Variants in PEX14 observed in about 807,000 individuals in gnomAD.
PEX14 encodes the protein peroxisomal biogenesis factor 14.
Under a neutral mutation model 49.5 loss-of-function variants are expected in PEX14, and 15 were observed. That is an observed-to-expected ratio of 0.30 (90% CI 0.20 to 0.47). PEX14 has a LOEUF of 0.47. PEX14 is among the 20% of genes least tolerant of loss of function. The probability of loss-of-function intolerance (pLI) is 1.00; values close to 1 mark genes in which losing one functional copy is unlikely to be tolerated. For synonymous variants in PEX14, 210 were observed against 212.7 expected (o/e 0.99, Z 0.11); for missense variants, 398 against 494.8 (o/e 0.80, Z 1.86).
At position 10,539,115 on chromosome 1, in the gene PEX14, G is replaced by A. The variant is rs150903665; in HGVS notation, c.169+2818G>A. 4.9e-4 allele frequency among the ~76,000 whole-genome samples: 75 copies of A among 152,220 alleles called. No individual in the cohort carries two copies. The highest frequency in any genetic ancestry group is 7.6e-4 in the Non-Finnish European group (52 of 68,024). ...GCTGAGTTTGTTTCATTGTGAAACC[G>A]CAGCTGGGAGCAGGGGCTGCATCCT... On this transcript the variant is annotated intron_variant, in intron 3 of 8. Transcript: ENST00000356607. The surrounding 1 kb of genome is among the most constrained non-coding windows in gnomAD (Gnocchi z 4.6).
chr1:10,521,473 A>G (rs1638293584), intron 2 of PEX14, among the ~76,000 whole-genome samples: 1 of 152,222 alleles, frequency 6.6e-6, no homozygotes, highest in Admixed American at 6.5e-5. Context: ...CATCTACTCT[A>G]CTTTATAGTC....
At chr1:10,532,451 T>G (rs1011056402) in intron 2 of PEX14, among the ~76,000 whole-genome samples, 1 of 152,206 alleles carries the variant, frequency 6.6e-6, no homozygotes, top group South Asian at 2.1e-4. Context: ...TTGTCTTTAT[T>G]TTGATTAAAC....
Position 10,630,067 on chromosome 1 carries a change from C to T in PEX14, c.*80C>T, listed in dbSNP as rs1570378349. The T allele has an allele frequency of 6.3e-7, 1 of 1,582,160 alleles. No homozygotes were observed. The highest frequency in any genetic ancestry group is 8.5e-7 in the Non-Finnish European group (1 of 1,170,820). ...GCCATACCCTGCCTCCCTCTCTGGC[C>T]CTGGGAGGGCAGCTTGGAGCCCAGG... On this transcript the variant is annotated 3_prime_UTR_variant, in exon 9 of 9. Coordinates refer to ENST00000356607, the MANE Select transcript of PEX14 (RefSeq NM_004565.3). This position sits in a 1 kb window ranked among gnomAD's most constrained non-coding sequence, Gnocchi z 4.1.
At chr1:10,481,914 C>G (rs1641289910) in intron 1 of PEX14, among the ~76,000 whole-genome samples, 1 of 151,158 alleles carries the variant, frequency 6.6e-6, no homozygotes. Context: ...AACTGCTTCC[C>G]AGGCTCAAGC....
intron 3 of PEX14, among the ~76,000 whole-genome samples, chr1:10,547,456 G>A (rs1473427272): frequency 6.6e-6 from 1 of 152,096 alleles, no homozygotes; most frequent in Non-Finnish European, 1.5e-5. Flanking sequence ...TTATGGGTGC[G>A]TTAGTCCCCG....
intron 3 of PEX14, among the ~76,000 whole-genome samples, chr1:10,585,409 C>G (rs895595681): frequency 6.6e-6 from 1 of 152,106 alleles, no homozygotes; most frequent in Non-Finnish European, 1.5e-5. Flanking sequence ...TATAAACCCC[C>G]AAAGTTCAGC....
intron 1 of PEX14, among the ~76,000 whole-genome samples, chr1:10,475,802 G>A (rs1387889181): frequency 1.3e-5 from 2 of 152,232 alleles, no homozygotes. Flanking sequence ...AAAGGGCTAA[G>A]AGACATCTTA....
chr1:10,627,394 G>A, intron 8 of PEX14, 31 bp downstream of exon 8: 1 of 1,479,270 alleles, frequency 6.8e-7, no homozygotes, highest in Non-Finnish European at 9.5e-7. Flanking sequence ...CCCTGTTCTG[G>A]TCGGGCCTGG....
chr1:10,604,918 G>T (rs1310572541), intron 4 of PEX14, among the ~76,000 whole-genome samples: 1 of 152,166 alleles, frequency 6.6e-6, no homozygotes, highest in Non-Finnish European at 1.5e-5. Flanking sequence ...TGCCGAGCCT[G>T]TAGTGCCTAC....
chr1:10,565,981 A>G lies in PEX14; in HGVS notation c.169+29684A>G, dbSNP rs12028920. ...TGTTTATTTATTTACATGTCTGTCT[A>G]TTTACTTACATCTCTCTAGTCCATC... On this transcript the variant is annotated intron_variant, in intron 3 of 8. Coordinates refer to ENST00000356607, the MANE Select transcript of PEX14 (RefSeq NM_004565.3). 3.6e-4 allele frequency among the ~76,000 whole-genome samples: 55 copies of G among 152,282 alleles called. No homozygotes were observed. The East Asian group carries it at 8.7e-3, about 24-fold the overall frequency.
chr1:10,539,770 A>G lies in PEX14; in HGVS notation c.169+3473A>G, dbSNP rs1638947624. On this transcript the variant is annotated intron_variant, in intron 3 of 8. Transcript: ENST00000356607. This position sits in a 1 kb window ranked among gnomAD's most constrained non-coding sequence, Gnocchi z 4.6. ...TTGATTTGACACCCTATCCAGCCACAAAATGTAGGAGGCAGTCTGCTTCCA... is the reference window on the plus strand; with the variant it reads ...TTGATTTGACACCCTATCCAGCCACGAAATGTAGGAGGCAGTCTGCTTCCA... 6.6e-6 allele frequency among the ~76,000 whole-genome samples: 1 copy of G among 151,670 alleles called. No individual in the cohort carries two copies.
rs754714815 is a variant in PEX14 at position 10,520,153 on chromosome 1, T to TTTTTTTTTTTTTTG, written c.85-16051_85-16050insTTTTGTTTTTTTTT. Among the ~76,000 whole-genome samples, 2 of 91,912 alleles carry TTTTTTTTTTTTTTG rather than the reference T, an allele frequency of 2.2e-5. 1 individual carries two copies. Among genetic ancestry groups the TTTTTTTTTTTTTTG allele is most frequent in the Non-Finnish European group, 4.7e-5 (2 of 42,264 alleles). 60.3% of individuals were successfully genotyped at this position (91,912 alleles called of 152,430 possible). A position where few individuals can be genotyped will look rare whatever the true frequency, so the allele number is the denominator to read the frequency against. ...TTGTGCCTGGCCTTCTTCTTCTTTT[T>TTTTTTTTTTTTTTG]TTTTTTTTTGTTTTTTTAACTAGAG... is the stretch of plus-strand genomic sequence containing the variant. On this transcript the variant is annotated intron_variant, in intron 2 of 8. Coordinates refer to ENST00000356607, the MANE Select transcript of PEX14 (RefSeq NM_004565.3).
chr1:10,517,598 AG>A (rs1343990316), intron 2 of PEX14, among the ~76,000 whole-genome samples: 2 of 150,938 alleles, frequency 1.3e-5, no homozygotes, highest in Non-Finnish European at 2.9e-5. Context: ...TTGGAGGTTC[AG>A]GTTTTGGCAG....
chr1:10,585,002 G>C (rs1640438054), intron 3 of PEX14, among the ~76,000 whole-genome samples: 1 of 152,034 alleles, frequency 6.6e-6, no homozygotes, highest in African/African-American at 2.4e-5. Context: ...GAGGATCTTT[G>C]GGGGAACAGT....
chr1:10,553,186 A>G (rs1639385095), intron 3 of PEX14, among the ~76,000 whole-genome samples: 1 of 152,118 alleles, frequency 6.6e-6, no homozygotes, highest in Non-Finnish European at 1.5e-5. Flanking sequence ...GGGGATGGAG[A>G]GGATGGATTA....
chr1:10,475,083 AGGGACCCCGAGTCTCCGAAGCTG>A (rs1641170508), intron 1 of PEX14, 81 bp downstream of exon 1: 7 of 1,355,300 alleles, frequency 5.2e-6, no homozygotes, highest in Non-Finnish European at 7.2e-6. Flanking sequence ...GGAGCCGGGT[AGGGACCCCGAGTCTCCGAAGCTG>A]GGGACCCCGA....
chr1:10,592,691 A>G (rs1027307404), intron 3 of PEX14, among the ~76,000 whole-genome samples: 1 of 152,218 alleles, frequency 6.6e-6, no homozygotes, highest in Non-Finnish European at 1.5e-5. Flanking sequence ...GGAATAACCT[A>G]TCAAAAGTAA....
intron 2 of PEX14, among the ~76,000 whole-genome samples, chr1:10,516,231 T>C (rs996544380): frequency 2.6e-5 from 4 of 152,220 alleles, no homozygotes; most frequent in African/African-American, 7.2e-5. Flanking sequence ...GCTAATGCTG[T>C]TCTCTGGTTG....
At chr1:10,624,030 C>T (rs986061347) in intron 6 of PEX14, among the ~76,000 whole-genome samples, 6 of 152,110 alleles carry the variant, frequency 3.9e-5, no homozygotes, top group African/African-American at 9.7e-5. Context: ...AGGACGCAGG[C>T]GCCAGAGAAG....
Sources: allele counts gnomAD v4.1 joint callset (sites outside exome capture counted in the v4.1 genomes callset), GRCh38; gene constraint gnomAD v4.1.1; non-coding constraint Gnocchi (gnomAD v3.1); transcripts MANE v1.5; gene names NCBI Gene and HGNC (gene_info 2026-07-23, HGNC 2026-07-21).